The following PLPPR4 variants were observed in gnomAD, a reference collection of about 807,000 sequenced individuals.
PLPPR4 encodes the protein phospholipid phosphatase related 4.
Under a neutral mutation model 56.6 loss-of-function variants are expected in PLPPR4, and 24 were observed. The ratio of observed to expected loss-of-function variants is 0.42; its 90% confidence interval spans 0.31 to 0.60. The LOEUF is 0.60. Ranked by LOEUF, PLPPR4 falls within the 20% of genes least tolerant of loss-of-function variation. PLPPR4 has a pLI of 0.13. For synonymous variants in PLPPR4, 326 were observed against 328.1 expected, an observed-to-expected ratio of 0.99 and a Z score of 0.07; for missense variants, 654 against 885.8, an observed-to-expected ratio of 0.74 and a Z score of 3.32.
At chr1:99,292,761 C>G (rs767894199) in intron 2 of PLPPR4, among the ~76,000 whole-genome samples, 20 of 151,628 alleles carry the variant, frequency 1.3e-4, no homozygotes, top group Admixed American at 3.3e-4. Flanking sequence ...TACTATACTT[C>G]TAGATTTCAC....
intron 1 of PLPPR4, among the ~76,000 whole-genome samples, chr1:99,277,122 T>A (rs566126828): frequency 7.9e-5 from 12 of 152,282 alleles, no homozygotes; most frequent in Admixed American, 3.3e-4. Flanking sequence ...TGAACTTTGC[T>A]CTTAACCAGT....
In PLPPR4 at chr1:99,307,210, A is replaced by T. The variant is rs1660053721; in HGVS notation, c.*200A>T. The stretch of plus-strand genomic sequence containing the variant: ...AGGGAAAAGCACAATGCAAGAACCT[A>T]ACTAACGTGATGATATGAAGAGTTT... On this transcript the variant is annotated 3_prime_UTR_variant, in exon 7 of 7. Transcript: ENST00000370185. 1 of 584,674 alleles carries T rather than the reference A, an allele frequency of 1.7e-6. No individual in the cohort carries two copies. The highest frequency in any genetic ancestry group is 2.9e-6 in the Non-Finnish European group (1 of 344,896). The allele number at this position is 584,674 out of a possible 1,614,324, so 36.2% of individuals were successfully genotyped here.
chr1:99,287,626 A>T (rs1659498445), intron 1 of PLPPR4, among the ~76,000 whole-genome samples: 1 of 151,882 alleles, frequency 6.6e-6, no homozygotes, highest in South Asian at 2.1e-4. Context: ...TTTGATTTGC[A>T]TTTTTCTGAT....
rs1395247927 is a variant in PLPPR4 at position 99,306,787 on chromosome 1, T to G, written c.1925T>G (p.Ile642Ser). The change falls in exon 7 of 7, where the codon ATT becomes AGT. Residue 642 changes from isoleucine (I) to serine (S), a missense_variant. Around this residue, in one of 2 missense-constraint regions of PLPPR4, gnomAD observed 468 missense variants for 554.3 expected, o/e 0.84. Transcript: ENST00000370185. This position sits in a 1 kb window ranked among gnomAD's most constrained non-coding sequence, Gnocchi z 4.0. ...FGSGDRKRSN[I>S]DSNEHHHHGI... ...TCTGGAGATCGCAAGAGAAGCAACA[T>G]TGATAGCAATGAGCATCACCACCAC... is the stretch of plus-strand genomic sequence containing the variant. The G allele has an allele frequency of 6.2e-7, 1 of 1,613,878 alleles. No individual in the cohort carries two copies. The highest frequency in any genetic ancestry group is 1.1e-5 in the South Asian group (1 of 91,080).
chr1:99,299,009 A>C (rs1340522625), intron 3 of PLPPR4, 26 bp from the exon 4 acceptor site: 1 of 1,548,914 alleles, frequency 6.5e-7, no homozygotes, highest in Admixed American at 1.7e-5. Context: ...CCAACTTGGT[A>C]ACAATTTCTT....
intron 1 of PLPPR4, among the ~76,000 whole-genome samples, chr1:99,269,024 C>A (rs1373009829): frequency 6.6e-6 from 1 of 152,064 alleles, no homozygotes; most frequent in Admixed American, 6.5e-5. Flanking sequence ...TTTGCTGCAC[C>A]CATCAACCTG....
Position 99,300,965 on chromosome 1 carries a change from C to T in PLPPR4, c.647C>T (p.Ser216Leu), listed in dbSNP as rs767680963. ...GCTGCCTTTGCAGCTGTGTATGTTT[C>T]GGTAAGTAACTGGTTCTTTTTTGTT... ...TLAAFAAVYVSMYFNSTLTDS... is the reference protein window; with the variant it reads ...TLAAFAAVYVLMYFNSTLTDS... The change falls in exon 5 of 7, where the codon TCG becomes TTG. Residue 216 changes from serine (S) to leucine (L), a missense_variant and splice_region_variant. By Grantham distance (145) the Ser-to-Leu change is moderately radical. Around this residue, in one of 2 missense-constraint regions of PLPPR4, gnomAD observed 186 missense variants for 331.4 expected, o/e 0.56. Transcript: ENST00000370185. 1.9e-6 allele frequency: 3 copies of T among 1,611,414 alleles called. No homozygotes were observed. Among genetic ancestry groups the T allele is most frequent in the African/African-American group, 1.3e-5 (1 of 74,800 alleles).
chr1:99,298,997 C>G (rs1659815102), intron 3 of PLPPR4, 38 bp from the exon 4 acceptor site: 1 of 1,443,354 alleles, frequency 6.9e-7, no homozygotes, highest in Non-Finnish European at 9.8e-7. Context: ...CTGACACAAC[C>G]ACCAACTTGG....
At position 99,306,101 on chromosome 1, in the gene PLPPR4, C is replaced by G; in HGVS notation, c.1239C>G (p.Ser413=). 7.4e-6 allele frequency: 12 copies of G among 1,614,120 alleles called. No homozygotes were observed. The highest frequency in any genetic ancestry group is 1.0e-5 in the Non-Finnish European group (12 of 1,180,012). ...WKNKNESRKL[S]LQVIEPEPGQ... is the part of the protein sequence containing the mutation. ...ATAAGAATGAAAGTCGAAAGTTGTC[C>G]TTGCAAGTTATAGAGCCTGAGCCTG... The change falls in exon 7 of 7, where the codon TCC becomes TCG. Residue 413 remains serine (S), a synonymous_variant. Transcript: ENST00000370185. The surrounding 1 kb of genome is among the most constrained non-coding windows in gnomAD (Gnocchi z 4.0).
chr1:99,308,863 C>T lies in PLPPR4; in HGVS notation c.*1853C>T, dbSNP rs1374819644. ...TCACCACCACCGCCATCATGACGCT[C>T]ATACTGGCTTTTGCCTGTTTGTAGA... On this transcript the variant is annotated 3_prime_UTR_variant, in exon 7 of 7. Coordinates refer to ENST00000370185, the MANE Select transcript of PLPPR4 (RefSeq NM_014839.5). 5 of 152,580 alleles carry T rather than the reference C, an allele frequency of 3.3e-5. No homozygotes were observed. The highest frequency in any genetic ancestry group is 5.9e-5 in the Non-Finnish European group (4 of 68,044). 9.5% of individuals were successfully genotyped at this position (152,580 alleles called of 1,614,324 possible).
intron 1 of PLPPR4, among the ~76,000 whole-genome samples, chr1:99,267,784 G>T (rs17395395): frequency 3.3e-5 from 5 of 152,160 alleles, no homozygotes; most frequent in Non-Finnish European, 7.3e-5. Context: ...GGCTCCACAG[G>T]CTTCTTGAAA....
rs1051042215 is a variant in PLPPR4, at chr1:99,309,002, A to T, written c.*1992A>T. 6.5e-6 allele frequency: 1 copy of T among 152,692 alleles called. No homozygotes were observed. The highest frequency in any genetic ancestry group is 1.5e-5 in the Non-Finnish European group (1 of 68,018). The allele number at this position is 152,692 out of a possible 1,614,324, so 9.5% of individuals were successfully genotyped here. On this transcript the variant is annotated 3_prime_UTR_variant, in exon 7 of 7. Coordinates refer to ENST00000370185, the MANE Select transcript of PLPPR4 (RefSeq NM_014839.5). ...TTCCTAATCTTTCCTATTTCTTAAC[A>T]AAAGATTTTAAAGTACTTCTCTAGT...
At chr1:99,271,665 C>T (rs1034650897) in intron 1 of PLPPR4, among the ~76,000 whole-genome samples, 2 of 152,012 alleles carry the variant, frequency 1.3e-5, no homozygotes, top group African/African-American at 4.8e-5. Context: ...TAAAAAGAAG[C>T]GTCCTCTGGG....
At chr1:99,286,682 A>G (rs1188519994) in intron 1 of PLPPR4, among the ~76,000 whole-genome samples, 1 of 152,208 alleles carries the variant, frequency 6.6e-6, no homozygotes, top group Non-Finnish European at 1.5e-5. Context: ...AACAGCAAGC[A>G]CAAAGGACCC....
intron 1 of PLPPR4, among the ~76,000 whole-genome samples, chr1:99,283,059 G>C (rs1482590879): frequency 6.6e-6 from 1 of 150,666 alleles, no homozygotes; most frequent in African/African-American, 2.4e-5. Context: ...ATATTCATGG[G>C]AACAGATATT....
At chr1:99,270,642 G>A (rs970048373) in intron 1 of PLPPR4, among the ~76,000 whole-genome samples, 2 of 152,146 alleles carry the variant, frequency 1.3e-5, no homozygotes, top group South Asian at 4.1e-4. Context: ...CATGATCTAT[G>A]TACAAATTAT....
At position 99,305,903 on chromosome 1, in the gene PLPPR4, T is replaced by C. The variant is rs753806258; in HGVS notation, c.1041T>C (p.Asp347=). The C allele has an allele frequency of 3.7e-6, 6 of 1,614,100 alleles. No individual in the cohort carries two copies. Among genetic ancestry groups the C allele is most frequent in the Non-Finnish European group, 5.1e-6 (6 of 1,180,018 alleles). The change falls in exon 7 of 7, where the codon GAT becomes GAC. Residue 347 remains aspartate (D), a synonymous_variant. Coordinates refer to ENST00000370185, the MANE Select transcript of PLPPR4 (RefSeq NM_014839.5). ...CAAATCTCAAAAGAGCAAATGCTGATGTGGAAATCATTACTCCACGGAGCC... is the reference window on the plus strand; with the variant it reads ...CAAATCTCAAAAGAGCAAATGCTGACGTGGAAATCATTACTCCACGGAGCC... The part of the protein sequence containing the change: ...SLTNLKRANA[D]VEIITPRSPM...
chr1:99,269,857 C>T (rs1342814490), intron 1 of PLPPR4, among the ~76,000 whole-genome samples: 1 of 152,170 alleles, frequency 6.6e-6, no homozygotes, highest in Non-Finnish European at 1.5e-5. Flanking sequence ...CACTTCTGTG[C>T]ATAGGTATGT....
intron 2 of PLPPR4, among the ~76,000 whole-genome samples, chr1:99,291,119 G>A (rs1570917710): frequency 6.6e-6 from 1 of 151,180 alleles, no homozygotes. Flanking sequence ...ATTAAAAAGT[G>A]GGCAAAGGAC....
Sources: allele counts gnomAD v4.1 joint callset (sites outside exome capture counted in the v4.1 genomes callset), GRCh38; gene constraint gnomAD v4.1.1; regional missense constraint gnomAD v4.1.1; non-coding constraint Gnocchi (gnomAD v3.1); transcripts MANE v1.5; gene names NCBI Gene and HGNC (gene_info 2026-07-23, HGNC 2026-07-21).